ABCA9: variants seen among roughly 807,000 people sequenced by gnomAD.
The protein encoded by ABCA9 is ATP-binding cassette sub-family A member 9.
Under a neutral mutation model 205.3 loss-of-function variants are expected in ABCA9, and 183 were observed. That is an observed-to-expected ratio of 0.89 (90% CI 0.79 to 1.01). ABCA9 has a LOEUF of 1.01. Ranked by LOEUF, ABCA9 falls within the 50% of genes least tolerant of loss-of-function variation. The pLI is 0.00. For missense variants in ABCA9, 1,805 were observed against 1,912.4 expected (o/e 0.94, Z 1.05); for synonymous variants, 651 against 683.3 (o/e 0.95, Z 0.74).
intron 27 of ABCA9, 43 bp downstream of exon 27, chr17:68,992,973 G>T (rs1598342329): frequency 6.8e-7 from 1 of 1,465,594 alleles, no homozygotes; most frequent in East Asian, 2.3e-5. Flanking sequence ...TACAAAAGTT[G>T]TGTTCCCTCA....
intron 6 of ABCA9, among the ~76,000 whole-genome samples, chr17:69,039,546 A>G (rs1477407985): frequency 6.6e-6 from 1 of 152,284 alleles, no homozygotes; most frequent in East Asian, 1.9e-4. Flanking sequence ...ACCTTATACA[A>G]AAATTAACTC....
In ABCA9 at chr17:69,008,133, G is replaced by C; in HGVS notation, c.3250C>G (p.Leu1084Val). The C allele has an allele frequency of 1.2e-6, 2 of 1,612,688 alleles. No homozygotes were observed. Among genetic ancestry groups the C allele is most frequent in the Non-Finnish European group, 1.7e-6 (2 of 1,178,748 alleles). ...AAAATATAATCCATTATTTGCATTA[G>C]CAGGAGGATCAAAAAGTACAGGGAA... Reference protein sequence around the residue: ...DVSLYFLILLLMQIMDYIFSP... With the variant: ...DVSLYFLILLVMQIMDYIFSP... Residue 1084 changes from leucine to valine, a missense_variant, in exon 24 of 39, where the codon CTA (leucine) becomes GTA (valine). By Grantham distance (32) the Leu-to-Val change is conservative. Transcript: ENST00000340001.
chr17:68,976,133 A>G lies in ABCA9; in HGVS notation c.4776+2T>C. On this transcript the variant is annotated splice_donor_variant, in intron 38 of 38. Coordinates refer to ENST00000340001, the MANE Select transcript of ABCA9 (RefSeq NM_080283.4). LOFTEE classifies it high-confidence loss of function. ...GATATAGAATCACTAAAAATGACCC[A>G]CCTGCTCCAGGGTAGACTGTGAGAG... The G allele has an allele frequency of 5.6e-6, 9 of 1,613,808 alleles. No individual in the cohort carries two copies. Among genetic ancestry groups the G allele is most frequent in the Non-Finnish European group, 7.6e-6 (9 of 1,179,758 alleles).
rs762375544 is a variant in ABCA9, at chr17:69,032,225, C to T, written c.1328G>A (p.Trp443Ter). ...SPLFFLKSCF[W>*]FQHGRANHVV... Reference sequence around the variant, plus strand: ...ATGATTAGCCCTTCCGTGTTGAAACCAAAAACAGGATTTCAGGAAAAACAA... The same window carrying T: ...ATGATTAGCCCTTCCGTGTTGAAACTAAAAACAGGATTTCAGGAAAAACAA... Residue 443 changes from tryptophan to a stop codon, truncating the protein, a stop_gained, in exon 10 of 39, where the codon TGG becomes TAG. Coordinates refer to ENST00000340001, the MANE Select transcript of ABCA9 (RefSeq NM_080283.4). LOFTEE classifies it high-confidence loss of function. 1 of 1,613,820 alleles carries T rather than the reference C, an allele frequency of 6.2e-7. No individual in the cohort carries two copies. Among genetic ancestry groups the T allele is most frequent in the South Asian group, 1.1e-5 (1 of 91,038 alleles).
At chr17:69,010,626 T>C (rs2144202076) in intron 23 of ABCA9, among the ~76,000 whole-genome samples, 1 of 152,274 alleles carries the variant, frequency 6.6e-6, no homozygotes, top group East Asian at 1.9e-4. Flanking sequence ...TCTGAAAGTT[T>C]GCTCTGGTTG....
chr17:69,027,226 A>C, intron 14 of ABCA9, 104 bp downstream of exon 14: 2 of 1,561,880 alleles, frequency 1.3e-6, no homozygotes, highest in Non-Finnish European at 1.7e-6. Context: ...TTAATATTTC[A>C]TCCTAAAAGT....
intron 10 of ABCA9, among the ~76,000 whole-genome samples, chr17:69,030,011 C>T (rs1458505726): frequency 1.3e-5 from 2 of 151,978 alleles, no homozygotes; most frequent in Non-Finnish European, 2.9e-5. Context: ...TGTAATGAAC[C>T]TCCACATGTA....
chr17:68,980,786 G>A (rs1463036669), intron 37 of ABCA9, among the ~76,000 whole-genome samples: 1 of 148,396 alleles, frequency 6.7e-6, no homozygotes, highest in Non-Finnish European at 1.5e-5. Context: ...AGGGGAGAGG[G>A]ATAGAATTAG....
the ABCA9 span, among the ~76,000 whole-genome samples, chr17:69,069,976 G>T: frequency 2.0e-5 from 3 of 152,112 alleles, no homozygotes; most frequent in African/African-American, 7.2e-5. Context: ...ATTGAAAGTG[G>T]TTATATATAT....
At chr17:69,043,409 G>A in intron 6 of ABCA9, 80 bp downstream of exon 6, 1 of 1,214,868 alleles carries the variant, frequency 8.2e-7, no homozygotes, top group East Asian at 2.4e-5. Context: ...GGGGCTTGGG[G>A]ACCCCTGGTC....
At chr17:69,047,973 C>T (rs2071775442) in intron 3 of ABCA9, among the ~76,000 whole-genome samples, 1 of 152,114 alleles carries the variant, frequency 6.6e-6, no homozygotes, top group South Asian at 2.1e-4. Flanking sequence ...ATTCCTGCAA[C>T]GTGGGGAGAC....
At chr17:69,031,180 C>T (rs2071137651) in intron 10 of ABCA9, among the ~76,000 whole-genome samples, 1 of 152,158 alleles carries the variant, frequency 6.6e-6, no homozygotes, top group Non-Finnish European at 1.5e-5. Context: ...CCTCCTTGCC[C>T]AATGGATAAA....
At chr17:69,008,276 G>C in intron 23 of ABCA9, 41 bp from the exon 24 acceptor site, 1 of 1,573,918 alleles carries the variant, frequency 6.4e-7, no homozygotes, top group East Asian at 2.2e-5. Context: ...GTTCTGAAGA[G>C]CTGAAGTTTG....
chr17:69,014,582 C>A (rs2070513736), intron 22 of ABCA9, among the ~76,000 whole-genome samples: 1 of 152,054 alleles, frequency 6.6e-6, no homozygotes, highest in Non-Finnish European at 1.5e-5. Context: ...TGGGAAATAT[C>A]TGGTTTTGTC....
chr17:68,990,731 A>G (rs1381965915), intron 29 of ABCA9, 106 bp downstream of exon 29: 1 of 1,392,384 alleles, frequency 7.2e-7, no homozygotes, highest in South Asian at 1.3e-5. Flanking sequence ...CTGTATGTGT[A>G]AGAATGAAAG....
chr17:69,057,717 A>G (rs1450272120), intron 1 of ABCA9, among the ~76,000 whole-genome samples: 1 of 152,216 alleles, frequency 6.6e-6, no homozygotes, highest in East Asian at 1.9e-4. Flanking sequence ...ACACAGCTCA[A>G]AAACTATAGT....
At position 69,045,326 on chromosome 17, in the gene ABCA9, G is replaced by T. The variant is rs1238922553; in HGVS notation, c.315C>A (p.Ile105=). ...ASAPFLKGRT[I]MGWPDEKSMD... ...TGCTTTTTTCATCAGGCCACCCCAT[G>T]ATTGTTCTTCCTGCCATGTGAAGAA... Residue 105 remains isoleucine, a synonymous_variant, in exon 4 of 39, where the codon ATC becomes ATA. Coordinates refer to ENST00000340001, the MANE Select transcript of ABCA9 (RefSeq NM_080283.4). 15 of 1,608,896 alleles carry T rather than the reference G, an allele frequency of 9.3e-6. No homozygotes were observed. Among genetic ancestry groups the T allele is most frequent in the Non-Finnish European group, 1.3e-5 (15 of 1,177,518 alleles).
At position 69,045,615 on chromosome 17, in the gene ABCA9, G is replaced by A. The variant is rs1467514507; in HGVS notation, c.305-279C>T. ...TCTTACATTGCTATAAGAAAATACC[G>A]AGACTGGGTGATTTATAAAGAAAGA... On this transcript the variant is annotated intron_variant, in intron 3 of 38. Coordinates refer to ENST00000340001, the MANE Select transcript of ABCA9 (RefSeq NM_080283.4). 3.9e-5 allele frequency among the ~76,000 whole-genome samples: 6 copies of A among 151,926 alleles called. No individual in the cohort carries two copies. In the East Asian group the frequency reaches 7.7e-4, roughly 20 times the overall value.
At chr17:69,026,248 A>C (rs1362556142) in intron 16 of ABCA9, 129 bp downstream of exon 16, 3 of 675,550 alleles carry the variant, frequency 4.4e-6, no homozygotes, top group Non-Finnish European at 7.6e-6. Context: ...ATTATGCCTT[A>C]GTTCTACCAT....
Sources: gnomAD v4.1 joint callset for allele counts (sites outside exome capture counted in the v4.1 genomes callset) on GRCh38, gnomAD v4.1.1 for gene constraint, MANE v1.5 for transcripts, NCBI Gene and HGNC (gene_info 2026-07-23, HGNC 2026-07-21) for gene names.